Variants in LOC128462377 observed in about 807,000 individuals in gnomAD.
chr16:89,335,337 A>G, the LOC128462377 span, among the ~76,000 whole-genome samples: 1 of 152,206 alleles, frequency 6.6e-6, no homozygotes, highest in African/African-American at 2.4e-5. Flanking sequence ...TCCTTCCAGC[A>G]CAGGAACAAA....
At chr16:89,351,233 C>T in the LOC128462377 span, among the ~76,000 whole-genome samples, 1 of 152,144 alleles carries the variant, frequency 6.6e-6, no homozygotes, top group Non-Finnish European at 1.5e-5. Context: ...AGGGGTTCCA[C>T]GGCAAAGAAT....
At chr16:89,381,354 A>AAAAAAAAAAAAAAAAAAAAAAAAAAAAG in the LOC128462377 span, among the ~76,000 whole-genome samples, 1 of 125,338 alleles carries the variant, frequency 8.0e-6, no homozygotes. Flanking sequence ...AAAAAAAAAA[A>AAAAAAAAAAAAAAAAAAAAAAAAAAAAG]GGGGTGAGAA....
the LOC128462377 span, among the ~76,000 whole-genome samples, chr16:89,347,597 C>A: frequency 2.4e-5 from 3 of 127,474 alleles, no homozygotes; most frequent in South Asian, 2.4e-4. Flanking sequence ...GGCGACAGAG[C>A]GAGACTCCGT....
the LOC128462377 span, among the ~76,000 whole-genome samples, chr16:89,366,129 C>CAAAAAAAAAAA: frequency 1.7e-5 from 1 of 60,458 alleles, no homozygotes; most frequent in African/African-American, 6.2e-5. Flanking sequence ...GACTCCATCT[C>CAAAAAAAAAAA]AAAAAAAAAA....
At chr16:89,409,829 AATTTATTT>A in the LOC128462377 span, among the ~76,000 whole-genome samples, 1 of 151,396 alleles carries the variant, frequency 6.6e-6, no homozygotes, top group South Asian at 2.1e-4. Flanking sequence ...TTTCAATCTA[AATTTATTT>A]ATTTATTTAT....
the LOC128462377 span, among the ~76,000 whole-genome samples, chr16:89,388,289 G>C: frequency 3.9e-5 from 3 of 76,986 alleles, no homozygotes; most frequent in Admixed American, 4.2e-4. Flanking sequence ...TCTCCATGAG[G>C]CTGATTTTTT....
chr16:89,368,391 T>TTTG, the LOC128462377 span, among the ~76,000 whole-genome samples: 3 of 139,154 alleles, frequency 2.2e-5, no homozygotes, highest in African/African-American at 8.2e-5. Flanking sequence ...TTTTTTTTTT[T>TTTG]TTTTTTTTTT....
At chr16:89,350,212 T>C in the LOC128462377 span, among the ~76,000 whole-genome samples, 1 of 152,336 alleles carries the variant, frequency 6.6e-6, no homozygotes, top group African/African-American at 2.4e-5. Context: ...GCAGATGGAA[T>C]TCCCATTCAA....
chr16:89,330,075 C>T, the LOC128462377 span, among the ~76,000 whole-genome samples: 4 of 151,872 alleles, frequency 2.6e-5, no homozygotes, highest in African/African-American at 9.7e-5. Flanking sequence ...TAAATATAAA[C>T]ATTTTAATAA....
chr16:89,325,310 T>C, the LOC128462377 span, among the ~76,000 whole-genome samples: 3 of 152,118 alleles, frequency 2.0e-5, no homozygotes, highest in Admixed American at 6.6e-5. Context: ...CTGTGGTGCA[T>C]GCTGGCGGTC....
the LOC128462377 span, among the ~76,000 whole-genome samples, chr16:89,405,616 G>C: frequency 6.6e-6 from 1 of 151,528 alleles, no homozygotes; most frequent in Non-Finnish European, 1.5e-5. Flanking sequence ...TTACAGGCCT[G>C]AGCCGCCATG....
At chr16:89,338,516 G>A in the LOC128462377 span, among the ~76,000 whole-genome samples, 4 of 151,448 alleles carry the variant, frequency 2.6e-5, no homozygotes, top group Non-Finnish European at 5.9e-5. Flanking sequence ...ATCACCTGAG[G>A]TCAGGAGTTC....
chr16:89,322,461 T>C, the LOC128462377 span, among the ~76,000 whole-genome samples: 2 of 152,292 alleles, frequency 1.3e-5, no homozygotes, highest in Middle Eastern at 3.4e-3. Flanking sequence ...TGAGAAGGGA[T>C]GTGATTCAGC....
chr16:89,334,161 A>AC, the LOC128462377 span, among the ~76,000 whole-genome samples: 313 of 142,706 alleles, frequency 2.2e-3, 11 homozygotes, highest in Middle Eastern at 0.036. Context: ...AAAAAAAAAA[A>AC]AAAAAAAAAA....
the LOC128462377 span, among the ~76,000 whole-genome samples, chr16:89,322,681 G>T: frequency 6.6e-6 from 1 of 152,220 alleles, no homozygotes; most frequent in Non-Finnish European, 1.5e-5. Flanking sequence ...CACTGGGGAG[G>T]GTGGGGAAGG....
the LOC128462377 span, among the ~76,000 whole-genome samples, chr16:89,381,670 AC>A: frequency 6.6e-6 from 1 of 152,164 alleles, no homozygotes; most frequent in Non-Finnish European, 1.5e-5. Flanking sequence ...ACAGAAACCC[AC>A]CTTCAGAACT....
the LOC128462377 span, among the ~76,000 whole-genome samples, chr16:89,383,677 C>T: frequency 2.6e-5 from 4 of 150,952 alleles, no homozygotes; most frequent in Non-Finnish European, 5.9e-5. Flanking sequence ...GGACCAGCAA[C>T]GCAGCAGACG....
At chr16:89,352,526 G>C in the LOC128462377 span, among the ~76,000 whole-genome samples, 1 of 152,194 alleles carries the variant, frequency 6.6e-6, no homozygotes, top group Non-Finnish European at 1.5e-5. Flanking sequence ...GCTCAACACA[G>C]TGAGCGAGCC....
the LOC128462377 span, among the ~76,000 whole-genome samples, chr16:89,398,836 C>A: frequency 6.6e-6 from 1 of 152,088 alleles, no homozygotes; most frequent in African/African-American, 2.4e-5. Flanking sequence ...GTGGGCTAAG[C>A]AAAGGTGCTT....
Sources: gnomAD v4.1 joint callset for allele counts (sites outside exome capture counted in the v4.1 genomes callset) on GRCh38, gnomAD v4.1.1 for gene constraint, MANE v1.5 for transcripts.